The following TPO variants were observed in gnomAD, a reference collection of about 807,000 sequenced individuals.
TPO encodes the protein thyroid peroxidase, also known as thyroid microsomal antigen.
A neutral mutation model predicts 96.9 loss-of-function variants in TPO; 78 were observed. The observed-to-expected ratio is 0.81, with a 90% CI of 0.67 to 0.97. The LOEUF is 0.97. TPO is among the 50% of genes least tolerant of loss of function. The pLI, the probability that TPO is intolerant of heterozygous loss-of-function variation, is 0.00. For synonymous variants in TPO, 547 were observed against 538.0 expected, an observed-to-expected ratio of 1.02 and a Z score of -0.23; for missense variants, 1,252 against 1,274.8, an observed-to-expected ratio of 0.98 and a Z score of 0.27.
chr2:1,493,033 C>T (rs1671924725), intron 10 of TPO, among the ~76,000 whole-genome samples: 1 of 152,062 alleles, frequency 6.6e-6, no homozygotes, highest in African/African-American at 2.4e-5. Flanking sequence ...AGAGTCAGAC[C>T]ATGGACGGGG....
chr2:1,406,386 C>G (rs1662251103), intron 1 of TPO, among the ~76,000 whole-genome samples: 3 of 152,212 alleles, frequency 2.0e-5, no homozygotes, highest in African/African-American at 7.2e-5. Context: ...ATTTTGTTAT[C>G]TTTTTGTGAC....
chr2:1,432,404 G>A (rs1558277369), intron 3 of TPO, among the ~76,000 whole-genome samples: 1 of 152,238 alleles, frequency 6.6e-6, no homozygotes, highest in Non-Finnish European at 1.5e-5. Flanking sequence ...ACCTTGGATT[G>A]GTTCCGTGTA....
intron 9 of TPO, among the ~76,000 whole-genome samples, chr2:1,485,524 A>C (rs1255041479): frequency 6.6e-6 from 1 of 151,832 alleles, no homozygotes; most frequent in African/African-American, 2.4e-5. Flanking sequence ...TCCCACCAAC[A>C]GTGTAAAAGC....
At chr2:1,427,474 G>T (rs553747783) in intron 3 of TPO, among the ~76,000 whole-genome samples, 1 of 152,324 alleles carries the variant, frequency 6.6e-6, no homozygotes, top group South Asian at 2.1e-4. Flanking sequence ...CCCCATGAGT[G>T]TGTGGGGGTG....
intron 5 of TPO, among the ~76,000 whole-genome samples, chr2:1,452,785 G>A (rs1031526094): frequency 1.3e-5 from 2 of 152,180 alleles, no homozygotes; most frequent in Non-Finnish European, 2.9e-5. Context: ...CCAATCTTTA[G>A]TCTTTTATTT....
intron 15 of TPO, among the ~76,000 whole-genome samples, chr2:1,529,978 C>T (rs1179499569): frequency 1.5e-5 from 2 of 137,350 alleles, no homozygotes; most frequent in African/African-American, 5.7e-5. Context: ...GAAAACACCC[C>T]TCACTGTGTG....
Position 1,475,559 on chromosome 2 carries a change from G to A in TPO, c.820-1527G>A, listed in dbSNP as rs965145476. On this transcript the variant is annotated intron_variant, in intron 7 of 16. Coordinates refer to ENST00000329066, the MANE Select transcript of TPO (RefSeq NM_001206744.2). ...CTGCCTCAGCCTCCCGAGTAGCTGG[G>A]ACTACAGGTGCCCGCCACCGCGCCC... Among the ~76,000 whole-genome samples, 4 of 152,060 alleles carry A rather than the reference G, an allele frequency of 2.6e-5. No individual in the cohort carries two copies. In the East Asian group the frequency reaches 7.7e-4, roughly 29 times the overall value.
At chr2:1,392,856 T>C (rs1037612800) in intron 1 of TPO, among the ~76,000 whole-genome samples, 65 of 152,332 alleles carry the variant, frequency 4.3e-4, no homozygotes, top group African/African-American at 1.6e-3. Context: ...TTTATCATTT[T>C]TTATTGCATC....
At chr2:1,398,957 C>G (rs1662125647) in intron 1 of TPO, among the ~76,000 whole-genome samples, 1 of 152,216 alleles carries the variant, frequency 6.6e-6, no homozygotes, top group African/African-American at 2.4e-5. Context: ...AGGCTGGGCT[C>G]TCCCTGCAGC....
At position 1,493,787 on chromosome 2, in the gene TPO, C is replaced by G. The variant is rs1427500464; in HGVS notation, c.1769-15C>G. The G allele has an allele frequency of 6.2e-7, 1 of 1,613,360 alleles. No homozygotes were observed. Among genetic ancestry groups the G allele is most frequent in the East Asian group, 2.2e-5 (1 of 44,872 alleles). On this transcript the variant is annotated splice_polypyrimidine_tract_variant and intron_variant, in intron 10 of 16. Coordinates refer to ENST00000329066, the MANE Select transcript of TPO (RefSeq NM_001206744.2). ...AGTTCTGTGAGAGAAACCCTGCAGCCTCTCCCCTGTGCAGGTTACAATGAG... is the reference window on the plus strand; with the variant it reads ...AGTTCTGTGAGAGAAACCCTGCAGCGTCTCCCCTGTGCAGGTTACAATGAG...
intron 15 of TPO, among the ~76,000 whole-genome samples, chr2:1,531,147 G>T (rs774116972): frequency 1.9e-5 from 1 of 52,276 alleles, no homozygotes; most frequent in Non-Finnish European, 3.5e-5. Context: ...CCCCCACTGT[G>T]TGCAACCTCC....
chr2:1,383,880 G>C (rs1253372800), intron 1 of TPO, among the ~76,000 whole-genome samples: 1 of 152,132 alleles, frequency 6.6e-6, no homozygotes, highest in Non-Finnish European at 1.5e-5. Context: ...AATCCATCTT[G>C]AATTAACTTT....
At chr2:1,419,788 T>C (rs951217426) in intron 2 of TPO, among the ~76,000 whole-genome samples, 2 of 152,236 alleles carry the variant, frequency 1.3e-5, no homozygotes, top group Non-Finnish European at 2.9e-5. Flanking sequence ...CGAGTTTCCA[T>C]CTTGGGGCGC....
intron 1 of TPO, among the ~76,000 whole-genome samples, chr2:1,396,675 A>G (rs1662084850): frequency 6.6e-6 from 1 of 152,128 alleles, no homozygotes; most frequent in Admixed American, 6.5e-5. Flanking sequence ...GTCTCATCCC[A>G]AATCCCACCT....
intron 6 of TPO, 40 bp downstream of exon 6, chr2:1,453,863 G>T (rs749020499): frequency 6.2e-7 from 1 of 1,613,244 alleles, no homozygotes; most frequent in East Asian, 2.2e-5. Context: ...CTAAGATTGG[G>T]TCCTGTGATG....
intron 7 of TPO, 87 bp from the exon 8 acceptor site, chr2:1,476,999 C>A (rs1237565536): frequency 1.4e-6 from 2 of 1,481,006 alleles, no homozygotes; most frequent in Non-Finnish European, 1.8e-6. Context: ...TGCGGCGCTG[C>A]GGGGTCGTCG....
intron 7 of TPO, among the ~76,000 whole-genome samples, chr2:1,462,541 C>CACACACACACACACACACACACACAT (rs58980999): frequency 0.013 from 1,929 of 147,952 alleles, 128 homozygotes; most frequent in African/African-American, 0.047. Context: ...CACACACACA[C>CACACACACACACACACACACACACAT]AGATATCAAT....
intron 2 of TPO, among the ~76,000 whole-genome samples, chr2:1,416,447 T>C (rs1374267096): frequency 1.3e-5 from 2 of 152,244 alleles, no homozygotes; most frequent in Non-Finnish European, 2.9e-5. Flanking sequence ...TTGTAACATG[T>C]TTTTTAATTT....
chr2:1,405,268 TAATC>T (rs1011935024), intron 1 of TPO, among the ~76,000 whole-genome samples: 3 of 149,424 alleles, frequency 2.0e-5, no homozygotes, highest in Non-Finnish European at 3.0e-5. Flanking sequence ...ACCCACCCAT[TAATC>T]ACTCACACAC....
Sources: allele counts gnomAD v4.1 joint callset (sites outside exome capture counted in the v4.1 genomes callset), GRCh38; gene constraint gnomAD v4.1.1; transcripts MANE v1.5; gene names NCBI Gene and HGNC (gene_info 2026-07-23, HGNC 2026-07-21).